The following DDX42 variants were observed in gnomAD, a reference collection of about 807,000 sequenced individuals.
DDX42 encodes the protein ATP-dependent RNA helicase DDX42.
In DDX42, 22 loss-of-function variants were observed where a neutral mutation model predicts 101.5. The ratio of observed to expected loss-of-function variants is 0.22; its 90% CI spans 0.15 to 0.31. The LOEUF is 0.31. Ranked by LOEUF, DDX42 falls within the 10% of genes least tolerant of loss-of-function variation. The probability of loss-of-function intolerance (pLI) is 1.00; values close to 1 mark genes in which losing one functional copy is unlikely to be tolerated. For missense variants in DDX42, 849 were observed against 1,199.9 expected, an observed-to-expected ratio of 0.71 and a Z score of 4.32; for synonymous variants, 402 against 401.2, an observed-to-expected ratio of 1.00 and a Z score of -0.02.
chr17:63,799,414 A>G (rs2039734346), intron 4 of DDX42, 175 bp from the exon 5 acceptor site: 1 of 536,902 alleles, frequency 1.9e-6, no homozygotes, highest in Non-Finnish European at 3.3e-6. Flanking sequence ...TATAGAGTGC[A>G]GCTACACATA....
At position 63,774,234 on chromosome 17, in the gene DDX42, T is replaced by TGGCGGTGGCGGTGGC. The variant is rs1385795380; in HGVS notation, c.-157_-156insCGGTGGCGGTGGCGG. The TGGCGGTGGCGGTGGC allele has an allele frequency of 6.1e-4, 154 of 253,260 alleles. 2 individuals are homozygous for TGGCGGTGGCGGTGGC. The highest frequency in any genetic ancestry group is 8.6e-4 in the Non-Finnish European group (129 of 149,350). 15.7% of individuals were successfully genotyped at this position (253,260 alleles called of 1,614,324 possible). A position where few individuals can be genotyped will look rare whatever the true frequency, so the allele number is the denominator to read the frequency against. ...GCGGTGGTGGCGGTGGCGGCGGCGG[T>TGGCGGTGGCGGTGGC]GGTGGTGGTGGCGGCGGCGGCGGCG... On this transcript the variant is annotated 5_prime_UTR_variant, in exon 1 of 18. Transcript: ENST00000389924.
At chr17:63,792,588 A>T in intron 3 of DDX42, 26 bp downstream of exon 3, 1 of 1,596,546 alleles carries the variant, frequency 6.3e-7, no homozygotes, top group Non-Finnish European at 8.5e-7. Context: ...TTTCATTAAA[A>T]TATTTAGCAG....
At chr17:63,803,815 A>C (rs2039804341) in intron 6 of DDX42, among the ~76,000 whole-genome samples, 1 of 150,920 alleles carries the variant, frequency 6.6e-6, no homozygotes, top group Non-Finnish European at 1.5e-5. Context: ...ACGCCCGGCT[A>C]ATTTTTGTAT....
chr17:63,789,579 T>G (rs1158528201), intron 2 of DDX42, among the ~76,000 whole-genome samples: 1 of 104,766 alleles, frequency 9.5e-6, no homozygotes, highest in Admixed American at 1.1e-4. Flanking sequence ...TTGTTTTTTT[T>G]TTTTTTTTTT....
intron 11 of DDX42, 152 bp from the exon 12 acceptor site, chr17:63,810,361 G>A: frequency 3.0e-6 from 2 of 669,046 alleles, no homozygotes; most frequent in Non-Finnish European, 4.9e-6. Context: ...AAAGTGCTAG[G>A]ATTACAGGCA....
intron 1 of DDX42, among the ~76,000 whole-genome samples, chr17:63,775,741 A>G (rs1211541130): frequency 6.6e-6 from 1 of 152,172 alleles, no homozygotes; most frequent in Non-Finnish European, 1.5e-5. Flanking sequence ...AATTGGGGGA[A>G]GGGAGTGAGC....
chr17:63,775,271 T>C (rs2039405701), intron 1 of DDX42: 1 of 152,626 alleles, frequency 6.6e-6, no homozygotes, highest in Admixed American at 6.5e-5. Flanking sequence ...AGAAGCATTG[T>C]GTAGCCTAAT....
intron 1 of DDX42, among the ~76,000 whole-genome samples, chr17:63,777,599 C>G (rs991951751): frequency 2.0e-5 from 3 of 152,180 alleles, no homozygotes; most frequent in African/African-American, 7.2e-5. Context: ...AGGTGCCCAC[C>G]ACCACGCCTG....
intron 8 of DDX42, 105 bp from the exon 9 acceptor site, chr17:63,807,619 A>G: frequency 9.3e-7 from 1 of 1,077,208 alleles, no homozygotes; most frequent in Admixed American, 2.2e-5. Flanking sequence ...GTTTTGTTCC[A>G]TTGCAAATAA....
At chr17:63,791,983 G>T (rs1015023616) in intron 2 of DDX42, among the ~76,000 whole-genome samples, 9 of 151,578 alleles carry the variant, frequency 5.9e-5, no homozygotes, top group Non-Finnish European at 1.2e-4. Flanking sequence ...GAAGGCGGGG[G>T]TTGCAGGGAG....
intron 1 of DDX42, chr17:63,774,613 G>A (rs1275260834): frequency 1.3e-5 from 2 of 154,618 alleles, no homozygotes; most frequent in Non-Finnish European, 2.9e-5. Context: ...AAGTCTTACC[G>A]AGGCCCAGTT....
At chr17:63,785,424 TG>T (rs1240642334) in intron 1 of DDX42, among the ~76,000 whole-genome samples, 2 of 151,724 alleles carry the variant, frequency 1.3e-5, no homozygotes, top group African/African-American at 4.8e-5. Flanking sequence ...CACTCCAGCC[TG>T]GGTGACAGAT....
At chr17:63,785,263 G>A (rs949459186) in intron 1 of DDX42, among the ~76,000 whole-genome samples, 2 of 150,294 alleles carry the variant, frequency 1.3e-5, no homozygotes, top group Non-Finnish European at 1.5e-5. Context: ...GAGGCCAGGA[G>A]TTCCAGACCA....
chr17:63,812,016 T>G lies in DDX42; in HGVS notation c.1483T>G (p.Phe495Val). 3 of 1,614,198 alleles carry G rather than the reference T, an allele frequency of 1.9e-6. No individual in the cohort carries two copies. Among genetic ancestry groups the G allele is most frequent in the Non-Finnish European group, 2.5e-6 (3 of 1,180,034 alleles). Residue 495 changes from phenylalanine to valine, a missense_variant, in exon 14 of 18, where the codon TTT (phenylalanine) becomes GTT (valine). Transcript: ENST00000389924. ...CTGGCTTACCCGGCGTCTGGTAGAA[T>G]TTACCTCTTCAGGGAGTGTCCTCCT... ...WNWLTRRLVE[F>V]TSSGSVLLFV... is the part of the protein sequence containing the mutation.
At chr17:63,807,577 A>G (rs776662480) in intron 8 of DDX42, 147 bp from the exon 9 acceptor site, 25 of 626,210 alleles carry the variant, frequency 4.0e-5, no homozygotes, top group Non-Finnish European at 5.9e-5. Flanking sequence ...TGATATTTCT[A>G]TTTCACAACC....
chr17:63,800,398 C>A, intron 5 of DDX42, 70 bp from the exon 6 acceptor site: 1 of 1,471,284 alleles, frequency 6.8e-7, no homozygotes, highest in Non-Finnish European at 9.3e-7. Flanking sequence ...ACACTATGTG[C>A]GCTAATTACA....
chr17:63,813,502 A>G (rs754373068), intron 15 of DDX42, 48 bp downstream of exon 15: 27 of 1,541,354 alleles, frequency 1.8e-5, no homozygotes, highest in Non-Finnish European at 2.3e-5. Context: ...TAAGACCAAG[A>G]CATTTTAGCA....
chr17:63,774,237 T>G lies in DDX42; in HGVS notation c.-156T>G, dbSNP rs767487476. ...GTGGTGGCGGTGGCGGCGGCGGTGGTGGTGGTGGCGGCGGCGGCGGCGAAG... is the reference window on the plus strand; with the variant it reads ...GTGGTGGCGGTGGCGGCGGCGGTGGGGGTGGTGGCGGCGGCGGCGGCGAAG... On this transcript the variant is annotated 5_prime_UTR_variant, in exon 1 of 18. Coordinates refer to ENST00000389924, the MANE Select transcript of DDX42 (RefSeq NM_203499.3). 2 of 185,068 alleles carry G rather than the reference T, an allele frequency of 1.1e-5. No individual in the cohort carries two copies. The highest frequency in any genetic ancestry group is 1.2e-4 in the African/African-American group (1 of 8,364). 11.5% of individuals were successfully genotyped at this position (185,068 alleles called of 1,614,324 possible). A position where few individuals can be genotyped will look rare whatever the true frequency, so the allele number is the denominator to read the frequency against.
intron 3 of DDX42, among the ~76,000 whole-genome samples, chr17:63,793,236 T>A (rs1567734828): frequency 6.6e-6 from 1 of 151,866 alleles, no homozygotes; most frequent in Non-Finnish European, 1.5e-5. Context: ...CCTCTGATTC[T>A]TTCTTTTCCT....
Sources: gnomAD v4.1 joint callset for allele counts (sites outside exome capture counted in the v4.1 genomes callset) on GRCh38, gnomAD v4.1.1 for gene constraint, MANE v1.5 for transcripts, NCBI Gene and HGNC (gene_info 2026-07-23, HGNC 2026-07-21) for gene names.